RASGRF2: variants seen among roughly 807,000 people sequenced by gnomAD.
The protein encoded by RASGRF2 is ras-specific guanine nucleotide-releasing factor 2.
A neutral mutation model predicts 151.0 loss-of-function variants in RASGRF2; 76 were observed. The ratio of observed to expected loss-of-function variants is 0.50; its 90% CI spans 0.42 to 0.61. RASGRF2 has a LOEUF of 0.61. RASGRF2 is among the 20% of genes least tolerant of loss of function. RASGRF2 has a pLI of 0.00. For missense variants in RASGRF2, 1,148 were observed against 1,564.6 expected (o/e 0.73, Z 4.49); for synonymous variants, 504 against 566.5 (o/e 0.89, Z 1.57).
At chr5:81,207,083 A>G (rs916703626) in intron 20 of RASGRF2, among the ~76,000 whole-genome samples, 163 bp from the exon 21 acceptor site, 1 of 152,216 alleles carries the variant, frequency 6.6e-6, no homozygotes, top group African/African-American at 2.4e-5. Context: ...TAAGATATTC[A>G]TGTTGGCTTT....
intron 1 of RASGRF2, among the ~76,000 whole-genome samples, chr5:80,970,662 G>A (rs1196626788): frequency 1.3e-5 from 2 of 152,062 alleles, no homozygotes; most frequent in Admixed American, 6.5e-5. Context: ...TCATATTCTT[G>A]TGAGATAGAA....
intron 1 of RASGRF2, among the ~76,000 whole-genome samples, chr5:80,971,792 C>A (rs1280163359): frequency 6.6e-6 from 1 of 152,022 alleles, no homozygotes; most frequent in Non-Finnish European, 1.5e-5. Context: ...CTGGTCTCAA[C>A]CGCCTGGGCT....
In RASGRF2 at chr5:80,960,577, C is replaced by T. The variant is rs905572670; in HGVS notation, c.-162C>T. On this transcript the variant is annotated 5_prime_UTR_variant, in exon 1 of 27. Coordinates refer to ENST00000265080, the MANE Select transcript of RASGRF2 (RefSeq NM_006909.3). The surrounding 1 kb of genome is among the most constrained non-coding windows in gnomAD (Gnocchi z 5.5). Reference sequence around the variant, plus strand: ...CGCCCCTGCCACCGCGCGCCGCGGCCTCCCGAAAGCGGGCGGGGTGCCCTG... The same window carrying T: ...CGCCCCTGCCACCGCGCGCCGCGGCTTCCCGAAAGCGGGCGGGGTGCCCTG... The T allele has an allele frequency of 6.6e-6, 4 of 608,918 alleles. No homozygotes were observed. The highest frequency in any genetic ancestry group is 9.3e-6 in the Non-Finnish European group (4 of 429,606). The allele number at this position is 608,918 out of a possible 1,614,324, so 37.7% of individuals were successfully genotyped here.
intron 18 of RASGRF2, among the ~76,000 whole-genome samples, chr5:81,188,903 G>A (rs752599569): frequency 6.6e-5 from 10 of 152,172 alleles, no homozygotes; most frequent in East Asian, 1.9e-4. Context: ...GATGCAGACC[G>A]CTCAAAATGT....
At chr5:81,004,687 A>G (rs1477995836) in intron 1 of RASGRF2, among the ~76,000 whole-genome samples, 2 of 152,230 alleles carry the variant, frequency 1.3e-5, no homozygotes, top group Non-Finnish European at 2.9e-5. Flanking sequence ...ATACACAGCA[A>G]TTTAAGGTGG....
At chr5:81,037,789 A>G (rs897576371) in intron 1 of RASGRF2, among the ~76,000 whole-genome samples, 2 of 152,216 alleles carry the variant, frequency 1.3e-5, no homozygotes, top group African/African-American at 4.8e-5. Flanking sequence ...TTTTTAAAGA[A>G]GAAAAATTCA....
At chr5:80,981,537 G>C (rs1580164198) in intron 1 of RASGRF2, among the ~76,000 whole-genome samples, 1 of 152,032 alleles carries the variant, frequency 6.6e-6, no homozygotes. Flanking sequence ...GTATGTGCGT[G>C]TTTGTGTGTG....
chr5:81,116,221 T>C (rs756603312), intron 15 of RASGRF2, among the ~76,000 whole-genome samples: 1 of 151,952 alleles, frequency 6.6e-6, no homozygotes, highest in Non-Finnish European at 1.5e-5. Flanking sequence ...TAGCTGGGAT[T>C]ACAGGCACGC....
At chr5:81,047,497 C>G (rs1319429753) in intron 2 of RASGRF2, among the ~76,000 whole-genome samples, 1 of 152,240 alleles carries the variant, frequency 6.6e-6, no homozygotes, top group Non-Finnish European at 1.5e-5. Context: ...ATTTCTTCAG[C>G]TGAACCTGCT....
chr5:81,100,985 C>T (rs1157615744), intron 12 of RASGRF2, among the ~76,000 whole-genome samples: 2 of 152,178 alleles, frequency 1.3e-5, no homozygotes, highest in Non-Finnish European at 2.9e-5. Context: ...GTGGAGAAGT[C>T]ACTCGCAACA....
intron 18 of RASGRF2, among the ~76,000 whole-genome samples, chr5:81,188,796 T>TGGC (rs954247603): frequency 2.0e-5 from 3 of 152,270 alleles, no homozygotes; most frequent in African/African-American, 7.2e-5. Context: ...CGATAGCAAA[T>TGGC]GGCAGCAGCA....
At chr5:81,206,368 C>T (rs963552579) in intron 19 of RASGRF2, among the ~76,000 whole-genome samples, 2 of 152,174 alleles carry the variant, frequency 1.3e-5, no homozygotes, top group Admixed American at 6.5e-5. Flanking sequence ...TAGGAACCCC[C>T]TGTGCTTCTG....
intron 2 of RASGRF2, among the ~76,000 whole-genome samples, chr5:81,054,001 G>T (rs185390927): frequency 0.012 from 1,811 of 152,260 alleles, 18 homozygotes; most frequent in Non-Finnish European, 0.02. Flanking sequence ...ATTTGTTTGA[G>T]TTCTTTGTAG....
chr5:80,999,104 C>T (rs1470166020), intron 1 of RASGRF2, among the ~76,000 whole-genome samples: 6 of 152,020 alleles, frequency 3.9e-5, no homozygotes, highest in East Asian at 3.9e-4. Flanking sequence ...CCACTGGCTT[C>T]CTGTTGGGAT....
At chr5:81,131,814 C>G (rs531919612) in intron 17 of RASGRF2, among the ~76,000 whole-genome samples, 2 of 152,232 alleles carry the variant, frequency 1.3e-5, no homozygotes, top group Admixed American at 6.5e-5. Flanking sequence ...CCTCAAAACT[C>G]GAGATTCGGA....
chr5:81,005,335 G>A (rs527116), intron 1 of RASGRF2, among the ~76,000 whole-genome samples: 85,263 of 151,806 alleles, frequency 0.56, 24,419 homozygotes, highest in Middle Eastern at 0.69. Context: ...AAATGCGAGC[G>A]AAGGTGGGGA....
At chr5:81,042,217 C>T (rs1246793107) in intron 1 of RASGRF2, among the ~76,000 whole-genome samples, 4 of 152,168 alleles carry the variant, frequency 2.6e-5, no homozygotes, top group African/African-American at 9.7e-5. Context: ...CCAACAATAA[C>T]TTACATTACA....
In RASGRF2 at chr5:81,225,996, C is replaced by G; in HGVS notation, c.*226C>G. ...AGGTGAAAGATGGCTATTTAGAAAG[C>G]TGGTGGCACGTTTTACATAAGGGAA... On this transcript the variant is annotated 3_prime_UTR_variant, in exon 27 of 27. Transcript: ENST00000265080. 2.4e-6 allele frequency: 1 copy of G among 424,498 alleles called. No homozygotes were observed. The highest frequency in any genetic ancestry group is 4.1e-6 in the Non-Finnish European group (1 of 245,720). The allele number at this position is 424,498 out of a possible 1,614,324, so 26.3% of individuals were successfully genotyped here.
chr5:81,202,982 C>G (rs999207396), intron 19 of RASGRF2, among the ~76,000 whole-genome samples: 9 of 152,234 alleles, frequency 5.9e-5, no homozygotes, highest in African/African-American at 2.2e-4. Flanking sequence ...TTTTAAGCCA[C>G]CCAGTTTGTG....
Sources: allele counts gnomAD v4.1 joint callset (sites outside exome capture counted in the v4.1 genomes callset), GRCh38; gene constraint gnomAD v4.1.1; non-coding constraint Gnocchi (gnomAD v3.1); transcripts MANE v1.5; gene names NCBI Gene and HGNC (gene_info 2026-07-23, HGNC 2026-07-21).